Variants in SEMA5A observed in about 807,000 individuals in gnomAD.
SEMA5A encodes semaphorin-5A.
A neutral mutation model predicts 135.5 loss-of-function variants in SEMA5A; 55 were observed. The ratio of observed to expected loss-of-function variants is 0.41; its 90% CI spans 0.33 to 0.51. SEMA5A has a LOEUF of 0.51. SEMA5A is among the 20% of genes least tolerant of loss of function. SEMA5A has a pLI of 0.37. For synonymous variants in SEMA5A, 580 were observed against 546.5 expected (o/e 1.06, Z -0.85); for missense variants, 1,290 against 1,419.9 (o/e 0.91, Z 1.47).
intron 16 of SEMA5A, among the ~76,000 whole-genome samples, chr5:9,075,094 T>C (rs951597371): frequency 4.6e-5 from 7 of 152,170 alleles, no homozygotes; most frequent in African/African-American, 1.4e-4. Flanking sequence ...AGAAATGTTT[T>C]GAAAAAAATG....
intron 3 of SEMA5A, among the ~76,000 whole-genome samples, chr5:9,370,693 G>C (rs1755100483): frequency 6.6e-6 from 1 of 152,192 alleles, no homozygotes. Context: ...GTCTTTTTCT[G>C]TTGTTTTGTT....
At chr5:9,500,958 A>G (rs1735567514) in intron 1 of SEMA5A, among the ~76,000 whole-genome samples, 1 of 152,180 alleles carries the variant, frequency 6.6e-6, no homozygotes. Context: ...TGTTAATTAA[A>G]TATCAAGCTA....
At chr5:9,263,468 G>A (rs940903151) in intron 5 of SEMA5A, among the ~76,000 whole-genome samples, 1 of 152,148 alleles carries the variant, frequency 6.6e-6, no homozygotes, top group Non-Finnish European at 1.5e-5. Context: ...TCTAGTGCCT[G>A]ATAATCTGAG....
chr5:9,198,844 C>G (rs1053560843), intron 9 of SEMA5A, among the ~76,000 whole-genome samples: 5 of 152,092 alleles, frequency 3.3e-5, no homozygotes, highest in Non-Finnish European at 1.5e-5. Context: ...ACAGGATATC[C>G]CATCCAGGCA....
chr5:9,288,348 G>A (rs1401338061), intron 5 of SEMA5A, among the ~76,000 whole-genome samples: 4 of 152,200 alleles, frequency 2.6e-5, no homozygotes, highest in Non-Finnish European at 5.9e-5. Context: ...TGAGGCCAGG[G>A]CCACAGCCAG....
chr5:9,486,896 AT>A (rs1437381135), intron 1 of SEMA5A, among the ~76,000 whole-genome samples: 2 of 152,176 alleles, frequency 1.3e-5, no homozygotes, highest in Non-Finnish European at 2.9e-5. Flanking sequence ...ATCTTTTCAA[AT>A]TTTCAAAAGA....
At chr5:9,098,140 G>A (rs574984276) in intron 16 of SEMA5A, among the ~76,000 whole-genome samples, 1 of 152,110 alleles carries the variant, frequency 6.6e-6, no homozygotes, top group African/African-American at 2.4e-5. Context: ...TTACTCGGGA[G>A]GCTGAGGCAG....
intron 21 of SEMA5A, among the ~76,000 whole-genome samples, chr5:9,045,280 G>A (rs1190401988): frequency 6.6e-6 from 1 of 152,194 alleles, no homozygotes; most frequent in Non-Finnish European, 1.5e-5. Flanking sequence ...TCAATGGGTT[G>A]AGCCTCCCTG....
chr5:9,501,709 G>A (rs552825213), intron 1 of SEMA5A, among the ~76,000 whole-genome samples: 1 of 152,018 alleles, frequency 6.6e-6, no homozygotes, highest in African/African-American at 2.4e-5. Context: ...AAAACTACTC[G>A]CCAAAGATGA....
intron 13 of SEMA5A, among the ~76,000 whole-genome samples, chr5:9,130,190 T>C (rs1416389014): frequency 6.6e-6 from 1 of 152,208 alleles, no homozygotes; most frequent in African/African-American, 2.4e-5. Flanking sequence ...GTAGATGCAT[T>C]TGGTGAGTGC....
intron 17 of SEMA5A, among the ~76,000 whole-genome samples, chr5:9,064,635 G>A (rs550040586): frequency 6.6e-6 from 1 of 152,210 alleles, no homozygotes; most frequent in Non-Finnish European, 1.5e-5. Context: ...CACAGACCGG[G>A]GCCTGTCGGG....
intron 3 of SEMA5A, among the ~76,000 whole-genome samples, chr5:9,341,366 T>C (rs1384240423): frequency 6.6e-6 from 1 of 152,004 alleles, no homozygotes; most frequent in Non-Finnish European, 1.5e-5. Context: ...TCATCAATAC[T>C]GCTTTCTAAG....
intron 11 of SEMA5A, among the ~76,000 whole-genome samples, chr5:9,168,708 G>C (rs1384672857): frequency 6.6e-6 from 1 of 152,188 alleles, no homozygotes; most frequent in East Asian, 1.9e-4. Context: ...TGTGATTCTT[G>C]CTTGACAGAT....
chr5:9,096,885 C>T (rs1300677596), intron 16 of SEMA5A, among the ~76,000 whole-genome samples: 1 of 152,056 alleles, frequency 6.6e-6, no homozygotes, highest in Non-Finnish European at 1.5e-5. Flanking sequence ...ATCAAAACCA[C>T]TATGAGATGT....
rs58789253 is a variant in SEMA5A at position 9,278,113 on chromosome 5, T to TAA, written c.271-40225_271-40224dup. 6.1e-3 allele frequency among the ~76,000 whole-genome samples: 868 copies of TAA among 143,368 alleles called. 12 individuals carry two copies. The highest frequency in any genetic ancestry group is 0.021 in the African/African-American group (822 of 38,274). The allele number at this position is 143,368 out of a possible 152,430, so 94.1% of individuals were successfully genotyped here. On this transcript the variant is annotated intron_variant, in intron 5 of 22. Transcript: ENST00000382496. ...AAATGTTATTAAAGTCATGTAAACT[T>TAA]AAAAAAAAAAAAAAAGAAGTCCCAG...
chr5:9,222,133 C>T (rs565718716), intron 8 of SEMA5A, among the ~76,000 whole-genome samples: 1 of 152,124 alleles, frequency 6.6e-6, no homozygotes, highest in Non-Finnish European at 1.5e-5. Flanking sequence ...AGACCTGAGA[C>T]AAGGGCATCT....
intron 16 of SEMA5A, among the ~76,000 whole-genome samples, chr5:9,073,160 CTATTCCTCATGAATGAG>C (rs1737862059): frequency 6.6e-6 from 1 of 152,074 alleles, no homozygotes; most frequent in Admixed American, 6.5e-5. Context: ...ATGTAGTTTT[CTATTCCTCATGAATGAG>C]TATTCCTCAT....
chr5:9,048,671 TCC>T (rs1579300228), intron 21 of SEMA5A, among the ~76,000 whole-genome samples: 1 of 152,136 alleles, frequency 6.6e-6, no homozygotes, highest in Non-Finnish European at 1.5e-5. Flanking sequence ...CTTCTCTATT[TCC>T]AGAGGTGTTA....
At chr5:9,080,833 A>T (rs1000456013) in intron 16 of SEMA5A, among the ~76,000 whole-genome samples, 5 of 152,108 alleles carry the variant, frequency 3.3e-5, no homozygotes, top group African/African-American at 1.2e-4. Flanking sequence ...CTCTGATAGG[A>T]AGCACCCACT....
Sources: allele counts gnomAD v4.1 joint callset (sites outside exome capture counted in the v4.1 genomes callset), GRCh38; gene constraint gnomAD v4.1.1; transcripts MANE v1.5; gene names NCBI Gene and HGNC (gene_info 2026-07-23, HGNC 2026-07-21).